Variants in CRMP1 observed in about 807,000 individuals in gnomAD.
The protein encoded by CRMP1 is dihydropyrimidinase-related protein 1.
Under a neutral mutation model 68.3 loss-of-function variants are expected in CRMP1, and 19 were observed. The ratio of observed to expected loss-of-function variants is 0.28; its 90% CI spans 0.19 to 0.41. CRMP1 has a LOEUF of 0.41. CRMP1 is among the 10% of genes least tolerant of loss of function. The pLI is 1.00. For synonymous variants in CRMP1, 439 were observed against 399.6 expected, an observed-to-expected ratio of 1.10 and a Z score of -1.18; for missense variants, 791 against 967.4, an observed-to-expected ratio of 0.82 and a Z score of 2.42.
chr4:5,881,088 C>T lies in CRMP1; in HGVS notation c.381+11501G>A, dbSNP rs1042841674. 2.0e-5 allele frequency among the ~76,000 whole-genome samples: 3 copies of T among 152,204 alleles called. No individual in the cohort carries two copies. Among genetic ancestry groups the T allele is most frequent in the Non-Finnish European group, 2.9e-5 (2 of 68,030 alleles). On this transcript the variant is annotated intron_variant, in intron 1 of 13. Transcript: ENST00000324989. The surrounding 1 kb of genome is among the most constrained non-coding windows in gnomAD (Gnocchi z 4.6). ...AGAATGGACACAGCTGATACAAAGG[C>T]AGAGGGCCACACATGGTGTGCCAGG...
chr4:5,822,274 G>A (rs959247252), intron 13 of CRMP1, among the ~76,000 whole-genome samples: 9 of 152,240 alleles, frequency 5.9e-5, no homozygotes, highest in African/African-American at 2.2e-4. Flanking sequence ...CAGGCCACGT[G>A]TCTTGCGGGA....
At chr4:5,873,363 A>T (rs1714595781) in intron 1 of CRMP1, among the ~76,000 whole-genome samples, 2 of 152,240 alleles carry the variant, frequency 1.3e-5, no homozygotes, top group African/African-American at 4.8e-5. Context: ...AATGCCATAA[A>T]GAAATGCCTG....
Position 5,889,863 on chromosome 4 carries a change from G to T in CRMP1, c.381+2726C>A, listed in dbSNP as rs41264693. The T allele has an allele frequency of 0.075, 107,133 of 1,434,636 alleles. 4,433 individuals are homozygous for T. The highest frequency in any genetic ancestry group is 0.11 in the South Asian group (7,318 of 67,090). The allele number at this position is 1,434,636 out of a possible 1,614,324, so 88.9% of individuals were successfully genotyped here. A position where few individuals can be genotyped will look rare whatever the true frequency, so the allele number is the denominator to read the frequency against. ...ACCTGGGCCTTAAAATAGAGGTGAG[G>T]TTTTAGCTTCACAGAGAAGCCAGCT... On this transcript the variant is annotated intron_variant, in intron 1 of 13. Transcript: ENST00000324989. The surrounding 1 kb of genome is among the most constrained non-coding windows in gnomAD (Gnocchi z 4.5).
intron 6 of CRMP1, among the ~76,000 whole-genome samples, chr4:5,846,757 A>ATTTTTTTTTTTT (rs71171490): frequency 1.9e-5 from 1 of 53,710 alleles, no homozygotes; most frequent in African/African-American, 1.1e-4. Context: ...TGCCCGGCTA[A>ATTTTTTTTTTTT]TTTTTTTTTT....
intron 10 of CRMP1, 116 bp from the exon 11 acceptor site, chr4:5,836,201 C>T: frequency 1.1e-6 from 1 of 912,924 alleles, no homozygotes; most frequent in South Asian, 4.2e-5. Context: ...GAATTCTCTC[C>T]TCTCCCAGCT....
In CRMP1 at chr4:5,889,831, CAG is replaced by C. The variant is rs1715858249; in HGVS notation, c.381+2756_381+2757del. 2 of 1,482,944 alleles carry C rather than the reference CAG, an allele frequency of 1.3e-6. No individual in the cohort carries two copies. The highest frequency in any genetic ancestry group is 1.3e-5 in the South Asian group (1 of 75,600). 91.9% of individuals were successfully genotyped at this position (1,482,944 alleles called of 1,614,324 possible). On this transcript the variant is annotated intron_variant, in intron 1 of 13. Transcript: ENST00000324989. This position sits in a 1 kb window ranked among gnomAD's most constrained non-coding sequence, Gnocchi z 4.5. ...AGTCCCCTAATCCAGGGCAGGAGGCCAGAGACACCTGGGCCTTAAAATAGAGG... is the reference window on the plus strand; with the variant it reads ...AGTCCCCTAATCCAGGGCAGGAGGCCAGACACCTGGGCCTTAAAATAGAGG...
chr4:5,852,841 C>A (rs1287569735), intron 4 of CRMP1, among the ~76,000 whole-genome samples: 1 of 152,150 alleles, frequency 6.6e-6, no homozygotes, highest in African/African-American at 2.4e-5. Context: ...TCAGGGAAGG[C>A]TTCCCAGGGG....
intron 1 of CRMP1, among the ~76,000 whole-genome samples, chr4:5,882,769 T>C (rs966457508): frequency 1.3e-5 from 2 of 152,210 alleles, no homozygotes; most frequent in Non-Finnish European, 2.9e-5. Context: ...GAACTTCCAG[T>C]GCCTTCCTAT....
chr4:5,861,866 T>G lies in CRMP1; in HGVS notation c.471-656A>C, dbSNP rs555790435. Among the ~76,000 whole-genome samples the G allele has an allele frequency of 6.6e-6, 1 of 152,292 alleles. No individual in the cohort carries two copies. Among genetic ancestry groups the G allele is most frequent in the Admixed American group, 6.5e-5 (1 of 15,304 alleles). On this transcript the variant is annotated intron_variant, in intron 2 of 13. Transcript: ENST00000324989. The surrounding 1 kb of genome is among the most constrained non-coding windows in gnomAD (Gnocchi z 6.0). ...TTTTATTCTAAAAAAAATCCAATTGTTGTGAACGCTTGAGATTGGGCAGCA... is the reference window on the plus strand; with the variant it reads ...TTTTATTCTAAAAAAAATCCAATTGGTGTGAACGCTTGAGATTGGGCAGCA...
At chr4:5,886,047 A>G (rs1233260410) in intron 1 of CRMP1, among the ~76,000 whole-genome samples, 2 of 152,226 alleles carry the variant, frequency 1.3e-5, no homozygotes. Flanking sequence ...GAAAGGTCCT[A>G]TACAGTGAAG....
At chr4:5,835,804 T>C in intron 11 of CRMP1, 111 bp downstream of exon 11, 1 of 1,231,482 alleles carries the variant, frequency 8.1e-7, no homozygotes, top group African/African-American at 1.5e-5. Context: ...TCAGGCTAGA[T>C]ATCAGATCAC....
rs951723634 is a variant in CRMP1, at chr4:5,854,254, C to T, written c.820+1889G>A. Among the ~76,000 whole-genome samples, 7 of 152,044 alleles carry T rather than the reference C, an allele frequency of 4.6e-5. No individual in the cohort carries two copies. The highest frequency in any genetic ancestry group is 1.7e-4 in the African/African-American group (7 of 41,412). ...CAGCAACTGCAATACAAGGATAATGCCTTTTTCTTTTAAAAGATAGGGTCT... is the reference window on the plus strand; with the variant it reads ...CAGCAACTGCAATACAAGGATAATGTCTTTTTCTTTTAAAAGATAGGGTCT... On this transcript the variant is annotated intron_variant, in intron 4 of 13. Coordinates refer to ENST00000324989, the MANE Select transcript of CRMP1 (RefSeq NM_001014809.3). The surrounding 1 kb of genome is among the most constrained non-coding windows in gnomAD (Gnocchi z 4.0).
rs926122136 is a variant in CRMP1, at chr4:5,860,552, T to C, written c.655+474A>G. ...GCAAGTTGCTTCACCTCTCTGAGCC[T>C]CTATTCTCCCATCTGTCACAATAAT... On this transcript the variant is annotated intron_variant, in intron 3 of 13. Transcript: ENST00000324989. This position sits in a 1 kb window ranked among gnomAD's most constrained non-coding sequence, Gnocchi z 4.2. 1.3e-5 allele frequency among the ~76,000 whole-genome samples: 2 copies of C among 152,114 alleles called. No individual in the cohort carries two copies. Among genetic ancestry groups the C allele is most frequent in the Non-Finnish European group, 2.9e-5 (2 of 68,034 alleles).
intron 1 of CRMP1, among the ~76,000 whole-genome samples, chr4:5,874,805 G>A (rs796153542): frequency 2.6e-4 from 40 of 152,278 alleles, no homozygotes; most frequent in African/African-American, 9.1e-4. Context: ...AGAATACATG[G>A]ACACATAATA....
chr4:5,825,184 C>A lies in CRMP1; in HGVS notation c.1969+310G>T. ...ATCCCCACCACTCCATGTTTACTTT[C>A]ATGAGGAAGAGTGTGAAAGTGTCCC... is the stretch of plus-strand genomic sequence containing the variant. On this transcript the variant is annotated intron_variant, in intron 13 of 13. Transcript: ENST00000324989. This position sits in a 1 kb window ranked among gnomAD's most constrained non-coding sequence, Gnocchi z 4.4. 1 of 985,372 alleles carries A rather than the reference C, an allele frequency of 1.0e-6. No individual in the cohort carries two copies. The highest frequency in any genetic ancestry group is 1.2e-6 in the Non-Finnish European group (1 of 829,928). The allele number at this position is 985,372 out of a possible 1,614,324, so 61.0% of individuals were successfully genotyped here. A position where few individuals can be genotyped will look rare whatever the true frequency, so the allele number is the denominator to read the frequency against.
At chr4:5,851,735 G>A (rs190732150) in intron 4 of CRMP1, among the ~76,000 whole-genome samples, 11 of 151,276 alleles carry the variant, frequency 7.3e-5, no homozygotes, top group Non-Finnish European at 1.2e-4. Context: ...AGGAGAAAGA[G>A]GAGGAGGAGG....
At chr4:5,847,069 T>C (rs769918765) in intron 6 of CRMP1, among the ~76,000 whole-genome samples, 1 of 152,138 alleles carries the variant, frequency 6.6e-6, no homozygotes, top group Non-Finnish European at 1.5e-5. Context: ...TTCTCAGGCT[T>C]TGAAACCCAG....
rs918440127 is a variant in CRMP1 at position 5,881,582 on chromosome 4, T to C, written c.381+11007A>G. On this transcript the variant is annotated intron_variant, in intron 1 of 13. Transcript: ENST00000324989. The surrounding 1 kb of genome is among the most constrained non-coding windows in gnomAD (Gnocchi z 4.6). ...ACTGCCCCGACCATGTTCTTTTATA[T>C]GCTCTCACGGCAAAGTCCTCCGGTG... Among the ~76,000 whole-genome samples, 2 of 152,158 alleles carry C rather than the reference T, an allele frequency of 1.3e-5. No homozygotes were observed. Among genetic ancestry groups the C allele is most frequent in the Admixed American group, 6.5e-5 (1 of 15,282 alleles).
At position 5,859,790 on chromosome 4, in the gene CRMP1, A is replaced by G. The variant is rs1478372140; in HGVS notation, c.655+1236T>C. ...ACCCTCCTGGCTCAGGGACTTGGCA[A>G]ACTCTGCCCATGGCGGTGGGCTTCA... On this transcript the variant is annotated intron_variant, in intron 3 of 13. Transcript: ENST00000324989. This position sits in a 1 kb window ranked among gnomAD's most constrained non-coding sequence, Gnocchi z 5.2. Among the ~76,000 whole-genome samples, 1 of 152,134 alleles carries G rather than the reference A, an allele frequency of 6.6e-6. No homozygotes were observed. The highest frequency in any genetic ancestry group is 1.5e-5 in the Non-Finnish European group (1 of 68,034).
Sources: gnomAD v4.1 joint callset for allele counts (sites outside exome capture counted in the v4.1 genomes callset) on GRCh38, gnomAD v4.1.1 for gene constraint, Gnocchi (gnomAD v3.1) non-coding constraint, MANE v1.5 for transcripts, NCBI Gene and HGNC (gene_info 2026-07-23, HGNC 2026-07-21) for gene names.